The following ZNF385D variants were observed in gnomAD, a reference collection of about 807,000 sequenced individuals.
ZNF385D encodes the protein zinc finger protein 385D.
ZNF385D carries 15 observed loss-of-function variants against 35.8 expected under a neutral mutation model. The observed-to-expected ratio is 0.42, with a 90% CI of 0.28 to 0.64. The LOEUF (loss-of-function observed/expected upper bound fraction) is 0.64. ZNF385D is among the 30% of genes least tolerant of loss of function. The pLI is 0.23. For synonymous variants in ZNF385D, 212 were observed against 186.8 expected (o/e 1.13, Z -1.10); for missense variants, 474 against 494.6 (o/e 0.96, Z 0.39).
At chr3:21,608,440 A>C (rs1369554812) in intron 2 of ZNF385D, among the ~76,000 whole-genome samples, 3 of 152,206 alleles carry the variant, frequency 2.0e-5, no homozygotes, top group Non-Finnish European at 4.4e-5. Flanking sequence ...ATGGCAGTTA[A>C]AAATATGAAC....
chr3:22,154,440 C>A (rs1201872262), intron 3 of ZNF385D, among the ~76,000 whole-genome samples: 3 of 152,124 alleles, frequency 2.0e-5, no homozygotes, highest in Non-Finnish European at 2.9e-5. Flanking sequence ...GGCTTCACCA[C>A]GTAAGAAAAC....
At chr3:22,019,972 A>G (rs1697125298) in intron 3 of ZNF385D, among the ~76,000 whole-genome samples, 1 of 151,962 alleles carries the variant, frequency 6.6e-6, no homozygotes, top group Non-Finnish European at 1.5e-5. Flanking sequence ...GAAAAAAACA[A>G]GATAACTTCG....
chr3:21,690,413 G>T (rs1043519988), intron 1 of ZNF385D, among the ~76,000 whole-genome samples: 16 of 152,178 alleles, frequency 1.1e-4, no homozygotes, highest in Non-Finnish European at 5.9e-5. Flanking sequence ...CCACACCAAA[G>T]TCTGAACTTT....
intron 2 of ZNF385D, among the ~76,000 whole-genome samples, chr3:22,181,203 T>C (rs904473372): frequency 2.6e-5 from 4 of 152,118 alleles, no homozygotes; most frequent in African/African-American, 9.7e-5. Flanking sequence ...GAAGAGCAGA[T>C]ACTAACGATT....
intron 3 of ZNF385D, among the ~76,000 whole-genome samples, chr3:21,765,564 G>T (rs1192397800): frequency 6.6e-6 from 1 of 151,996 alleles, no homozygotes; most frequent in African/African-American, 2.4e-5. Flanking sequence ...CGTGTCAATT[G>T]GTGATGGGCC....
chr3:21,931,481 G>A (rs963645166), intron 3 of ZNF385D, among the ~76,000 whole-genome samples: 1 of 152,164 alleles, frequency 6.6e-6, no homozygotes, highest in African/African-American at 2.4e-5. Context: ...ACACAAAAAT[G>A]TATTATTTAT....
At chr3:21,649,346 G>T (rs896461989) in intron 2 of ZNF385D, among the ~76,000 whole-genome samples, 1 of 152,114 alleles carries the variant, frequency 6.6e-6, no homozygotes, top group Non-Finnish European at 1.5e-5. Context: ...AGATAACATG[G>T]ACACAGTGTA....
intron 5 of ZNF385D, among the ~76,000 whole-genome samples, chr3:21,429,185 T>C (rs548035875): frequency 6.6e-6 from 1 of 151,752 alleles, no homozygotes; most frequent in African/African-American, 2.4e-5. Context: ...ATTTATTAGG[T>C]CACAAGATAA....
At chr3:22,267,979 C>T (rs1406642103) in intron 2 of ZNF385D, among the ~76,000 whole-genome samples, 1 of 151,926 alleles carries the variant, frequency 6.6e-6, no homozygotes, top group Non-Finnish European at 1.5e-5. Context: ...CAAGTCATAG[C>T]ATTCTAATAA....
At chr3:22,138,594 T>G (rs567235630) in intron 3 of ZNF385D, among the ~76,000 whole-genome samples, 5 of 151,662 alleles carry the variant, frequency 3.3e-5, no homozygotes, top group Non-Finnish European at 5.9e-5. Context: ...TAAATGGTGC[T>G]GGGAAAACTG....
intron 3 of ZNF385D, among the ~76,000 whole-genome samples, chr3:21,875,795 C>T (rs1449141850): frequency 6.7e-6 from 1 of 149,642 alleles, no homozygotes; most frequent in Non-Finnish European, 1.5e-5. Context: ...ATCATCATTC[C>T]AGCTCTATTT....
At position 21,465,920 on chromosome 3, in the gene ZNF385D, ATGCTCT is replaced by A. The variant is rs1490739488; in HGVS notation, c.440-28723_440-28718del. Among the ~76,000 whole-genome samples, 4 of 152,114 alleles carry A rather than the reference ATGCTCT, an allele frequency of 2.6e-5. No individual in the cohort carries two copies. The highest frequency in any genetic ancestry group is 5.9e-5 in the Non-Finnish European group (4 of 68,024). On this transcript the variant is annotated intron_variant, in intron 4 of 7. Coordinates refer to ENST00000281523, the MANE Select transcript of ZNF385D (RefSeq NM_024697.3). This position sits in a 1 kb window ranked among gnomAD's most constrained non-coding sequence, Gnocchi z 4.2. ...GGAGCTGCCGTGAGCACAAATAGAG[ATGCTCT>A]TCTGCTGCATAAATGTGCTAGGCAT...
intron 4 of ZNF385D, among the ~76,000 whole-genome samples, chr3:21,474,727 A>C (rs1364087295): frequency 6.6e-6 from 1 of 152,156 alleles, no homozygotes; most frequent in South Asian, 2.1e-4. Flanking sequence ...TTTCTAGTCA[A>C]AATCCTCTCA....
rs146505953 is a variant in ZNF385D, at chr3:22,042,384, A to G, written c.325+126433T>C. Among the ~76,000 whole-genome samples, 143 of 152,180 alleles carry G rather than the reference A, an allele frequency of 9.4e-4. 1 individual carries two copies. Among genetic ancestry groups the G allele is most frequent in the African/African-American group, 3.3e-3 (137 of 41,506 alleles). On this transcript the variant is annotated intron_variant, in intron 3 of 5. Transcript: ENST00000494108. Reference sequence around the variant, plus strand: ...CTATACAGTTGACGATGAATACTTAACTTTCTTTGCCATGCATGTAGATTT... The same window carrying G: ...CTATACAGTTGACGATGAATACTTAGCTTTCTTTGCCATGCATGTAGATTT...
intron 3 of ZNF385D, among the ~76,000 whole-genome samples, chr3:21,983,500 T>A (rs1373164523): frequency 2.2e-5 from 3 of 134,056 alleles, no homozygotes; most frequent in Non-Finnish European, 4.8e-5. Context: ...GAACTCATCA[T>A]TTTTTATGGC....
chr3:21,787,960 A>C (rs1365500473), intron 3 of ZNF385D, among the ~76,000 whole-genome samples: 3 of 26,920 alleles, frequency 1.1e-4, no homozygotes, highest in East Asian at 1.0e-3. Context: ...AAAAAAAAAA[A>C]AAAAAAAAAA....
At chr3:21,783,254 T>C (rs1185344922) in intron 3 of ZNF385D, among the ~76,000 whole-genome samples, 1 of 152,122 alleles carries the variant, frequency 6.6e-6, no homozygotes, top group Non-Finnish European at 1.5e-5. Context: ...CATTAATAAA[T>C]ACAAGGGTTT....
At chr3:21,832,431 G>A (rs1695052117) in intron 3 of ZNF385D, among the ~76,000 whole-genome samples, 2 of 152,166 alleles carry the variant, frequency 1.3e-5, no homozygotes, top group Admixed American at 1.3e-4. Flanking sequence ...GTGTTTATGA[G>A]TAGAAATTCC....
chr3:22,036,666 T>C (rs940120818), intron 3 of ZNF385D, among the ~76,000 whole-genome samples: 1 of 151,526 alleles, frequency 6.6e-6, no homozygotes, highest in Non-Finnish European at 1.5e-5. Context: ...CATAAAACCC[T>C]TCTTTTAGAA....
Sources: allele counts gnomAD v4.1 joint callset (sites outside exome capture counted in the v4.1 genomes callset), GRCh38; gene constraint gnomAD v4.1.1; non-coding constraint Gnocchi (gnomAD v3.1); transcripts MANE v1.5; gene names NCBI Gene and HGNC (gene_info 2026-07-23, HGNC 2026-07-21).